The following INSYN2B variants were observed in gnomAD, a reference collection of about 807,000 sequenced individuals.
The protein encoded by INSYN2B is inhibitory synaptic factor family member 2B, also known as protein INSYN2B.
A neutral mutation model predicts 41.2 loss-of-function variants in INSYN2B; 16 were observed. The observed-to-expected ratio is 0.39, with a 90% confidence interval of 0.26 to 0.59. The LOEUF (loss-of-function observed/expected upper bound fraction) is 0.59, where lower values mean the gene tolerates loss of function less well. INSYN2B is among the 20% of genes least tolerant of loss of function. The probability of loss-of-function intolerance (pLI) is 0.57; values close to 1 mark genes in which losing one functional copy is unlikely to be tolerated. For synonymous variants in INSYN2B, 245 were observed against 244.4 expected (o/e 1.00, Z -0.02); for missense variants, 608 against 646.4 (o/e 0.94, Z 0.64).
intron 1 of INSYN2B, among the ~76,000 whole-genome samples, 190 bp downstream of exon 1, chr5:169,980,087 T>C (rs1338984333): frequency 6.6e-6 from 1 of 152,174 alleles, no homozygotes; most frequent in Non-Finnish European, 1.5e-5. Context: ...ATCCATGCAT[T>C]TGGGGCAGCC....
rs371680459 is a variant in INSYN2B, at chr5:169,944,757, G to A, written c.-919+35520C>T. On this transcript the variant is annotated intron_variant, in intron 1 of 3. Transcript: ENST00000377365. ...CTAGGAACCTTGCTTGCCCTTTCTG[G>A]AGAGCTCTAGAAGCACCTTGTGCTG... Among the ~76,000 whole-genome samples the A allele has an allele frequency of 1.8e-3, 278 of 152,306 alleles. 6 individuals are homozygous for A. The South Asian group carries it at 0.048, about 26-fold the overall frequency.
intron 1 of INSYN2B, among the ~76,000 whole-genome samples, chr5:169,951,168 C>T (rs571827078): frequency 9.2e-5 from 14 of 152,182 alleles, no homozygotes; most frequent in Non-Finnish European, 1.6e-4. Context: ...GGGATAGAGT[C>T]AGGGCAAGAG....
chr5:169,864,375 T>A lies in INSYN2B; in HGVS notation c.1506A>T (p.Ala502=). 6.4e-7 allele frequency: 1 copy of A among 1,551,420 alleles called. No individual in the cohort carries two copies. The highest frequency in any genetic ancestry group is 8.7e-7 in the Non-Finnish European group (1 of 1,146,754). The change falls in exon 4 of 4, where the codon GCA becomes GCT. Residue 502 remains alanine (A), a synonymous_variant. Coordinates refer to ENST00000377365, the MANE Select transcript of INSYN2B (RefSeq NM_001129891.3). ...CTGCTGGGGACTTTGGTGGGGGCGA[T>A]GCCTCCTCAACTGGCTCTGCTTCCT... The part of the protein sequence containing the change: ...SLEEAEPVEE[A]SPPPKSPAEP...
intron 1 of INSYN2B, among the ~76,000 whole-genome samples, chr5:169,943,366 G>A (rs1405086469): frequency 6.6e-6 from 1 of 152,130 alleles, no homozygotes; most frequent in Non-Finnish European, 1.5e-5. Context: ...GCAATACTTA[G>A]GTCCTGGACC....
intron 1 of INSYN2B, among the ~76,000 whole-genome samples, chr5:169,946,648 A>G (rs1160681171): frequency 6.6e-6 from 1 of 152,228 alleles, no homozygotes; most frequent in East Asian, 1.9e-4. Flanking sequence ...TTCAAGGAAT[A>G]AGATAGGCCA....
Position 169,890,293 on chromosome 5 carries a change from C to T in INSYN2B, c.-918-5477G>A, listed in dbSNP as rs1198807830. Among the ~76,000 whole-genome samples the T allele has an allele frequency of 2.0e-5, 3 of 152,316 alleles. No homozygotes were observed. In the East Asian group the frequency reaches 5.8e-4, roughly 29 times the overall value. ...CCACTCTTTTTCTATCCTCCAAAGT[C>T]CTAAGCACAGTGCTGAGTCTTTAAG... On this transcript the variant is annotated intron_variant, in intron 1 of 3. Coordinates refer to ENST00000377365, the MANE Select transcript of INSYN2B (RefSeq NM_001129891.3).
At chr5:169,896,513 T>C (rs1012195305) in intron 1 of INSYN2B, among the ~76,000 whole-genome samples, 6 of 152,246 alleles carry the variant, frequency 3.9e-5, no homozygotes, top group Admixed American at 3.3e-4. Context: ...AAGATGTAGC[T>C]AATAATATTA....
At chr5:169,960,255 A>G (rs957235884) in intron 1 of INSYN2B, among the ~76,000 whole-genome samples, 1 of 152,224 alleles carries the variant, frequency 6.6e-6, no homozygotes, top group African/African-American at 2.4e-5. Context: ...ATGTCAAAAG[A>G]TAAAACCTCT....
chr5:169,961,697 G>A (rs1025994613), intron 1 of INSYN2B, among the ~76,000 whole-genome samples: 2 of 152,100 alleles, frequency 1.3e-5, no homozygotes, highest in African/African-American at 4.8e-5. Context: ...TAGAAGCCAG[G>A]CCGGGTGCAG....
At chr5:169,885,265 G>A (rs763389606) in intron 1 of INSYN2B, among the ~76,000 whole-genome samples, 60 of 152,288 alleles carry the variant, frequency 3.9e-4, no homozygotes, top group Non-Finnish European at 4.4e-4. Flanking sequence ...TGTAGACTCC[G>A]GAGGGCAGAG....
intron 1 of INSYN2B, among the ~76,000 whole-genome samples, chr5:169,945,662 G>A (rs1020752913): frequency 2.0e-5 from 3 of 152,160 alleles, no homozygotes; most frequent in Non-Finnish European, 2.9e-5. Context: ...CTCTTCACAC[G>A]GGTACTAGGA....
At chr5:169,873,622 C>T (rs1013727257) in intron 3 of INSYN2B, among the ~76,000 whole-genome samples, 1 of 152,212 alleles carries the variant, frequency 6.6e-6, no homozygotes, top group Non-Finnish European at 1.5e-5. Flanking sequence ...GGGACACTGT[C>T]ATAAGCAGAT....
intron 1 of INSYN2B, among the ~76,000 whole-genome samples, chr5:169,951,191 G>A (rs1447587988): frequency 6.6e-6 from 1 of 152,178 alleles, no homozygotes; most frequent in Non-Finnish European, 1.5e-5. Context: ...AAGGGGAATG[G>A]TTCTTATACT....
intron 1 of INSYN2B, among the ~76,000 whole-genome samples, chr5:169,931,207 A>T (rs1169275737): frequency 2.0e-5 from 3 of 152,214 alleles, no homozygotes; most frequent in African/African-American, 7.2e-5. Flanking sequence ...AGCTCTAGGA[A>T]ACCATCTTAC....
At chr5:169,947,935 G>A (rs777718353) in intron 1 of INSYN2B, among the ~76,000 whole-genome samples, 13 of 152,154 alleles carry the variant, frequency 8.5e-5, no homozygotes, top group Middle Eastern at 3.2e-3. Flanking sequence ...GTGCCGCTGC[G>A]TTCTGCAAAG....
intron 1 of INSYN2B, among the ~76,000 whole-genome samples, chr5:169,893,826 A>G (rs1479687972): frequency 2.0e-5 from 3 of 152,164 alleles, no homozygotes; most frequent in Non-Finnish European, 4.4e-5. Flanking sequence ...CATTTTCCAC[A>G]TGGGAGAGGG....
intron 1 of INSYN2B, among the ~76,000 whole-genome samples, chr5:169,937,829 C>A (rs1776064141): frequency 6.6e-6 from 1 of 152,208 alleles, no homozygotes; most frequent in Non-Finnish European, 1.5e-5. Flanking sequence ...TTCTATTGGT[C>A]ACTGACAACA....
chr5:169,866,037 AG>A (rs142233412), intron 3 of INSYN2B, among the ~76,000 whole-genome samples: 1 of 145,282 alleles, frequency 6.9e-6, no homozygotes, highest in Admixed American at 6.7e-5. Flanking sequence ...CAGAGGGGCG[AG>A]GGGGCCTGTT....
At chr5:169,939,517 G>GTTT (rs1422111331) in intron 1 of INSYN2B, among the ~76,000 whole-genome samples, 2 of 152,064 alleles carry the variant, frequency 1.3e-5, no homozygotes, top group African/African-American at 4.8e-5. Flanking sequence ...AGTAACAGTC[G>GTTT]TTTATTATTA....
Sources: gnomAD v4.1 joint callset for allele counts (sites outside exome capture counted in the v4.1 genomes callset) on GRCh38, gnomAD v4.1.1 for gene constraint, MANE v1.5 for transcripts, NCBI Gene and HGNC (gene_info 2026-07-23, HGNC 2026-07-21) for gene names.